ESRRG: variants seen among roughly 807,000 people sequenced by gnomAD.
ESRRG encodes the protein estrogen-related receptor gamma.
A neutral mutation model predicts 44.0 loss-of-function variants in ESRRG; 13 were observed. The ratio of observed to expected loss-of-function variants is 0.30; its 90% CI spans 0.19 to 0.47. The LOEUF is 0.47. Ranked by LOEUF, ESRRG falls within the 20% of genes least tolerant of loss-of-function variation. The pLI, the probability that ESRRG is intolerant of heterozygous loss-of-function variation, is 1.00. For synonymous variants in ESRRG, 215 were observed against 214.6 expected (o/e 1.00, Z -0.02); for missense variants, 395 against 580.6 (o/e 0.68, Z 3.29).
chr1:217,047,469 C>T (rs545398346), intron 1 of ESRRG, among the ~76,000 whole-genome samples: 2 of 152,242 alleles, frequency 1.3e-5, no homozygotes, highest in South Asian at 2.1e-4. Flanking sequence ...ACTGTCAATC[C>T]CACCTTCTAG....
intron 3 of ESRRG, among the ~76,000 whole-genome samples, chr1:216,629,245 C>T (rs1175150024): frequency 2.0e-5 from 3 of 152,062 alleles, no homozygotes; most frequent in African/African-American, 7.2e-5. Context: ...GGAATGAAAC[C>T]AAGACATGAG....
chr1:217,027,683 A>G (rs957940481), intron 1 of ESRRG, among the ~76,000 whole-genome samples: 1 of 152,188 alleles, frequency 6.6e-6, no homozygotes, highest in Non-Finnish European at 1.5e-5. Flanking sequence ...TCAGCCTACC[A>G]TGCAAAAAGA....
In ESRRG at chr1:216,614,787, T is replaced by A. The variant is rs190420109; in HGVS notation, c.589+36186A>T. 1.1e-3 allele frequency among the ~76,000 whole-genome samples: 168 copies of A among 152,308 alleles called. 1 individual carries two copies. Among genetic ancestry groups the A allele is most frequent in the African/African-American group, 3.8e-3 (159 of 41,572 alleles). On this transcript the variant is annotated intron_variant, in intron 3 of 6. Coordinates refer to ENST00000408911, the MANE Select transcript of ESRRG (RefSeq NM_001438.4). ...ACTCATGAAACATATTTATACCGCA[T>A]TTTCTGTTTAGCTGGTGCATTTAAT...
upstream of ESRRG, among the ~76,000 whole-genome samples, chr1:216,725,817 T>C (rs958900004): frequency 6.6e-6 from 1 of 152,178 alleles, no homozygotes; most frequent in African/African-American, 2.4e-5. Context: ...ATTCCGATTT[T>C]GCACCGGTGC....
chr1:216,575,088 T>A (rs1354756953), intron 3 of ESRRG, among the ~76,000 whole-genome samples: 1 of 152,104 alleles, frequency 6.6e-6, no homozygotes, highest in Non-Finnish European at 1.5e-5. Flanking sequence ...AGTGCCAGCC[T>A]CTGATGGGGT....
intron 1 of ESRRG, among the ~76,000 whole-genome samples, chr1:216,719,710 G>A (rs1388807990): frequency 6.6e-6 from 1 of 151,886 alleles, no homozygotes; most frequent in Non-Finnish European, 1.5e-5. Flanking sequence ...TACCTTATTT[G>A]GGGAAAACAC....
At chr1:216,551,927 C>T (rs962500747) in intron 5 of ESRRG, among the ~76,000 whole-genome samples, 2 of 152,086 alleles carry the variant, frequency 1.3e-5, no homozygotes, top group African/African-American at 4.8e-5. Flanking sequence ...GGGCTGTTGG[C>T]CATGTTCCCC....
chr1:216,838,354 T>C (rs960036298), intron 2 of ESRRG, among the ~76,000 whole-genome samples: 1 of 152,210 alleles, frequency 6.6e-6, no homozygotes, highest in African/African-American at 2.4e-5. Flanking sequence ...CTTTAGTACA[T>C]GAAGATCACA....
chr1:216,898,641 T>A (rs2058705544), intron 2 of ESRRG, among the ~76,000 whole-genome samples: 2 of 151,866 alleles, frequency 1.3e-5, no homozygotes, highest in African/African-American at 4.8e-5. Flanking sequence ...ATTAATTAAT[T>A]AAAGAAGTTG....
intron 2 of ESRRG, among the ~76,000 whole-genome samples, chr1:216,658,879 AGAAGAGAAGAGAAGAGAAGAGAAG>A (rs2071424080): frequency 1.1e-5 from 1 of 95,152 alleles, no homozygotes; most frequent in African/African-American, 2.9e-5. Context: ...AGAAGAGAAG[AGAAGAGAAGAGAAGAGAAGAGAAG>A]AGAAGAGAAG....
At chr1:216,528,421 C>T (rs1453701976) in intron 5 of ESRRG, among the ~76,000 whole-genome samples, 1 of 152,142 alleles carries the variant, frequency 6.6e-6, no homozygotes, top group Non-Finnish European at 1.5e-5. Context: ...CAACAGACTT[C>T]ATGATAATGT....
chr1:216,892,940 G>A (rs543419365), intron 2 of ESRRG, among the ~76,000 whole-genome samples: 14 of 152,194 alleles, frequency 9.2e-5, no homozygotes, highest in African/African-American at 3.4e-4. Flanking sequence ...TTCAGATAAA[G>A]GTTACCGTGA....
At chr1:216,916,217 A>G (rs1421283321) in intron 2 of ESRRG, among the ~76,000 whole-genome samples, 1 of 152,220 alleles carries the variant, frequency 6.6e-6, no homozygotes, top group Non-Finnish European at 1.5e-5. Context: ...CCAGAAAATT[A>G]TCATTTCAAG....
chr1:216,561,015 C>G (rs148173935), intron 5 of ESRRG, among the ~76,000 whole-genome samples: 5 of 152,218 alleles, frequency 3.3e-5, no homozygotes, highest in African/African-American at 1.2e-4. Context: ...TAAAGTCAAG[C>G]ATTTTCTAAA....
chr1:216,915,490 A>G lies in ESRRG; in HGVS notation c.-14+24092T>C, dbSNP rs73097591. On this transcript the variant is annotated intron_variant, in intron 2 of 7. Transcript: ENST00000359162. The stretch of plus-strand genomic sequence containing the variant: ...TGCTCTTTCAACACTTTGAACATTC[A>G]AAGTTCAACACTTTGAACACAACAT... 4.1e-3 allele frequency among the ~76,000 whole-genome samples: 632 copies of G among 152,296 alleles called. 6 individuals carry two copies. The highest frequency in any genetic ancestry group is 0.014 in the African/African-American group (596 of 41,558).
At chr1:217,076,741 T>C (rs1194459045) in intron 1 of ESRRG, 2 of 152,222 alleles carry the variant, frequency 1.3e-5, no homozygotes, top group Non-Finnish European at 2.9e-5. Flanking sequence ...AAATGACCTA[T>C]TCCTCTTATG....
chr1:216,899,212 T>C (rs2058776405), intron 2 of ESRRG, among the ~76,000 whole-genome samples: 1 of 152,228 alleles, frequency 6.6e-6, no homozygotes, highest in Admixed American at 6.5e-5. Flanking sequence ...ACCTGGACTT[T>C]GTTTCTGTAT....
At chr1:216,898,310 G>C (rs527636124) in intron 2 of ESRRG, among the ~76,000 whole-genome samples, 1 of 152,158 alleles carries the variant, frequency 6.6e-6, no homozygotes, top group East Asian at 1.9e-4. Flanking sequence ...CCCTTAAGCC[G>C]AGACTACTAT....
At chr1:216,930,030 A>G (rs187642218) in intron 2 of ESRRG, among the ~76,000 whole-genome samples, 41 of 152,200 alleles carry the variant, frequency 2.7e-4, no homozygotes, top group African/African-American at 9.1e-4. Flanking sequence ...TTCCTCTCTG[A>G]GTCCAGGAGA....
Sources: allele counts gnomAD v4.1 joint callset (sites outside exome capture counted in the v4.1 genomes callset), GRCh38; gene constraint gnomAD v4.1.1; transcripts MANE v1.5; gene names NCBI Gene and HGNC (gene_info 2026-07-23, HGNC 2026-07-21).